Variants in STAB1 observed in about 807,000 individuals in gnomAD.
STAB1 encodes stabilin-1.
STAB1 carries 250 observed loss-of-function variants against 332.4 expected under a neutral mutation model. That is an observed-to-expected ratio of 0.75 (90% CI 0.68 to 0.84). STAB1 has a LOEUF of 0.84. Among genes scored for constraint, STAB1 ranks in the 40% least tolerant of loss-of-function variants. The pLI, the probability that STAB1 is intolerant of heterozygous loss-of-function variation, is 0.00. For synonymous variants in STAB1, 1,475 were observed against 1,390.4 expected (o/e 1.06, Z -1.35); for missense variants, 3,249 against 3,489.7 (o/e 0.93, Z 1.74).
At chr3:52,506,059 G>A in intron 16 of STAB1, 111 bp from the exon 17 acceptor site, 1 of 1,516,402 alleles carries the variant, frequency 6.6e-7, no homozygotes, top group Non-Finnish European at 9.0e-7. Context: ...TTCTGCTATA[G>A]CACAGAGCCT....
In STAB1 at chr3:52,506,239, A is replaced by C. The variant is rs1211232068; in HGVS notation, c.1819A>C (p.Ile607Leu). The C allele has an allele frequency of 6.2e-7, 1 of 1,612,102 alleles. No individual in the cohort carries two copies. Among genetic ancestry groups the C allele is most frequent in the Non-Finnish European group, 8.5e-7 (1 of 1,179,290 alleles). ...GGCGAACCAGGTCCTGGCTGTGAAC[A>C]TTTCTGAGGAGGTGAGGTGCACGGA... Reference protein sequence around the residue: ...TMANQVLAVNISEEGRILLGP... With the variant: ...TMANQVLAVNLSEEGRILLGP... The change falls in exon 17 of 69, where the codon ATT becomes CTT. Residue 607 changes from isoleucine (I) to leucine (L), a missense_variant. Coordinates refer to ENST00000321725, the MANE Select transcript of STAB1 (RefSeq NM_015136.3).
In STAB1 at chr3:52,522,187, G is replaced by A. The variant is rs769523493; in HGVS notation, c.6422G>A (p.Arg2141His). The change falls in exon 59 of 69, where the codon CGC becomes CAC. Residue 2141 changes from arginine to histidine, a missense_variant. Arg to His is a conservative substitution (Grantham distance 29, BLOSUM62 0). Transcript: ENST00000321725. ...CGCAACCCCTGCACAGATGGCCACC[G>A]CGGGGGCTGCAGCGAGCACGCCAAC... is the stretch of plus-strand genomic sequence containing the variant. Reference protein sequence around the residue: ...RARNPCTDGHRGGCSEHANCL... With the variant: ...RARNPCTDGHHGGCSEHANCL... The A allele has an allele frequency of 2.7e-5, 44 of 1,612,522 alleles. No individual in the cohort carries two copies. The highest frequency in any genetic ancestry group is 3.6e-5 in the Non-Finnish European group (42 of 1,179,966).
In STAB1 at chr3:52,506,047, T is replaced by C; in HGVS notation, c.1749+111T>C. On this transcript the variant is annotated intron_variant, in intron 16 of 68. Coordinates refer to ENST00000321725, the MANE Select transcript of STAB1 (RefSeq NM_015136.3). The stretch of plus-strand genomic sequence containing the variant: ...TCTCCATCTCCCTTCCCTTCTCATC[T>C]GTTCTGCTATAGCACAGAGCCTAGG... 3 of 1,521,354 alleles carry C rather than the reference T, an allele frequency of 2.0e-6. No homozygotes were observed. The South Asian group carries it at 3.5e-5, about 18-fold the overall frequency. 94.2% of individuals were successfully genotyped at this position (1,521,354 alleles called of 1,614,324 possible).
intron 53 of STAB1, 22 bp downstream of exon 53, chr3:52,520,571 C>A: frequency 6.2e-7 from 1 of 1,610,396 alleles, no homozygotes; most frequent in Non-Finnish European, 8.5e-7. Flanking sequence ...CAGAGGCAGA[C>A]GGGCAGAAGC....
chr3:52,517,314 C>T lies in STAB1; in HGVS notation c.4490-6C>T, dbSNP rs1459742362. ...GCCACCCCCATCCCAGTGTCTCTTC[C>T]CCCAGAAATTAACAGCTGTCTCATC... On this transcript the variant is annotated splice_region_variant and splice_polypyrimidine_tract_variant and intron_variant, in intron 42 of 68. Coordinates refer to ENST00000321725, the MANE Select transcript of STAB1 (RefSeq NM_015136.3). 6.4e-6 allele frequency: 10 copies of T among 1,566,764 alleles called. No individual in the cohort carries two copies. The highest frequency in any genetic ancestry group is 1.2e-5 in the South Asian group (1 of 82,266).
chr3:52,513,374 CTCA>C, intron 30 of STAB1, 133 bp downstream of exon 30: 1 of 888,386 alleles, frequency 1.1e-6, no homozygotes, highest in Non-Finnish European at 1.7e-6. Flanking sequence ...CAGAGCCGGG[CTCA>C]AAGGATGTGC....
intron 1 of STAB1, among the ~76,000 whole-genome samples, chr3:52,497,237 G>A (rs1708097554): frequency 6.6e-6 from 1 of 151,966 alleles, no homozygotes; most frequent in Admixed American, 6.6e-5. Flanking sequence ...TAATCCACCT[G>A]CCTCAGCCTC....
rs552381717 is a variant in STAB1 at position 52,505,398 on chromosome 3, G to T, written c.1581+17G>T. 1.2e-6 allele frequency: 2 copies of T among 1,611,116 alleles called. No individual in the cohort carries two copies. The highest frequency in any genetic ancestry group is 1.7e-6 in the Non-Finnish European group (2 of 1,178,626). On this transcript the variant is annotated intron_variant, in intron 14 of 68. Coordinates refer to ENST00000321725, the MANE Select transcript of STAB1 (RefSeq NM_015136.3). Reference sequence around the variant, plus strand: ...ATCCTGGAGGTAAGCTCGGGGGAGGGGTCCTAGCCCATGTGGGCTTCTGGG... The same window carrying T: ...ATCCTGGAGGTAAGCTCGGGGGAGGTGTCCTAGCCCATGTGGGCTTCTGGG...
At chr3:52,518,964 C>T (rs966178487) in intron 48 of STAB1, 95 bp downstream of exon 48, 27 of 1,371,250 alleles carry the variant, frequency 2.0e-5, no homozygotes, top group Non-Finnish European at 2.1e-5. Context: ...AGTCAAGAAC[C>T]CCACCTCCCC....
At chr3:52,516,610 G>T in intron 40 of STAB1, 23 bp downstream of exon 40, 1 of 1,612,758 alleles carries the variant, frequency 6.2e-7, no homozygotes, top group Non-Finnish European at 8.5e-7. Context: ...AGCCTGGGGC[G>T]GGTGGGTGAG....
chr3:52,506,346 G>A (rs754032319), intron 17 of STAB1, 96 bp downstream of exon 17: 129 of 1,123,486 alleles, frequency 1.1e-4, no homozygotes, highest in Non-Finnish European at 1.6e-4. Flanking sequence ...CCCGTGGTGG[G>A]CAGGACACTG....
intron 1 of STAB1, among the ~76,000 whole-genome samples, chr3:52,498,599 G>A (rs1708214724): frequency 6.6e-6 from 1 of 152,218 alleles, no homozygotes; most frequent in Admixed American, 6.5e-5. Context: ...CTCACCCATC[G>A]CTCCATCTAG....
chr3:52,524,378 A>T lies in STAB1; in HGVS notation c.*22A>T, dbSNP rs2079199165. ...GTGACGAGGCTGGGGCTGAAAGCAG[A>T]AGCATGCACAGGGAGGAGACCACTT... is the stretch of plus-strand genomic sequence containing the variant. On this transcript the variant is annotated 3_prime_UTR_variant, in exon 69 of 69. Coordinates refer to ENST00000321725, the MANE Select transcript of STAB1 (RefSeq NM_015136.3). The T allele has an allele frequency of 6.2e-7, 1 of 1,613,480 alleles. No individual in the cohort carries two copies. Among genetic ancestry groups the T allele is most frequent in the Non-Finnish European group, 8.5e-7 (1 of 1,179,964 alleles).
At chr3:52,515,306 C>T in intron 36 of STAB1, 117 bp from the exon 37 acceptor site, 1 of 1,053,360 alleles carries the variant, frequency 9.5e-7, no homozygotes, top group Non-Finnish European at 1.4e-6. Flanking sequence ...CTCTCTGACC[C>T]TTCTGCTGTT....
intron 1 of STAB1, among the ~76,000 whole-genome samples, chr3:52,497,023 G>T (rs1463658351): frequency 2.0e-5 from 3 of 152,110 alleles, no homozygotes; most frequent in Non-Finnish European, 2.9e-5. Flanking sequence ...TTCTTTTGAG[G>T]TGGAGTCTCG....
intron 55 of STAB1, 36 bp from the exon 56 acceptor site, chr3:52,521,325 C>G (rs369701900): frequency 1.4e-5 from 22 of 1,612,518 alleles, no homozygotes; most frequent in Non-Finnish European, 1.7e-5. Flanking sequence ...GGTGAGAGCC[C>G]CTGGCCCCAC....
Position 52,519,313 on chromosome 3 carries a change from A to C in STAB1, c.5084A>C (p.Glu1695Ala), listed in dbSNP as rs138235745. Residue 1695 changes from glutamate (E) to alanine (A), a missense_variant, in exon 49 of 69, where the codon GAG (glutamate) becomes GCG (alanine). Glu to Ala is a moderately radical substitution (Grantham distance 107). Coordinates refer to ENST00000321725, the MANE Select transcript of STAB1 (RefSeq NM_015136.3). ...DFARVVSSDH[E>A]AVNGILHFID... The stretch of plus-strand genomic sequence containing the variant: ...GCGCGCGTGGTGAGCAGCGACCATG[A>C]GGCCGTGAACGGCATCCTGCACTTC... 87 of 1,612,950 alleles carry C rather than the reference A, an allele frequency of 5.4e-5. No individual in the cohort carries two copies. The highest frequency in any genetic ancestry group is 6.9e-5 in the Non-Finnish European group (81 of 1,179,994).
Position 52,519,259 on chromosome 3 carries a change from C to T in STAB1, c.5035-5C>T. The T allele has an allele frequency of 6.2e-7, 1 of 1,611,178 alleles. No individual in the cohort carries two copies. Among genetic ancestry groups the T allele is most frequent in the Non-Finnish European group, 8.5e-7 (1 of 1,178,900 alleles). ...TGCTTCATCAGCCCCGTGCCCCGCC[C>T]CCAGGGCAGCATATACCTCAATGAC... is the stretch of plus-strand genomic sequence containing the variant. On this transcript the variant is annotated splice_region_variant and splice_polypyrimidine_tract_variant and intron_variant, in intron 48 of 68. Transcript: ENST00000321725.
intron 45 of STAB1, 75 bp downstream of exon 45, chr3:52,518,078 G>T: frequency 6.5e-7 from 1 of 1,535,014 alleles, no homozygotes; most frequent in South Asian, 1.3e-5. Context: ...TCTTGGCAAA[G>T]ATCCGATTTG....
Sources: allele counts gnomAD v4.1 joint callset (sites outside exome capture counted in the v4.1 genomes callset), GRCh38; gene constraint gnomAD v4.1.1; transcripts MANE v1.5; gene names NCBI Gene and HGNC (gene_info 2026-07-23, HGNC 2026-07-21).